Variants in REDIC1 observed in about 807,000 individuals in gnomAD.
The protein encoded by REDIC1 is regulator of DNA class I crossover intermediates 1.
the REDIC1 span, among the ~76,000 whole-genome samples, chr12:39,875,115 T>G: frequency 2.0e-5 from 3 of 152,246 alleles, no homozygotes; most frequent in African/African-American, 7.2e-5. Flanking sequence ...TTAGTGACTT[T>G]AAAACAAAAC....
the REDIC1 span, among the ~76,000 whole-genome samples, chr12:39,806,058 T>A: frequency 6.6e-6 from 1 of 152,212 alleles, no homozygotes; most frequent in Non-Finnish European, 1.5e-5. Context: ...GTGACAGCAA[T>A]TGTAGCTGCA....
chr12:39,748,053 A>T, the REDIC1 span, among the ~76,000 whole-genome samples: 2 of 152,200 alleles, frequency 1.3e-5, no homozygotes, highest in African/African-American at 4.8e-5. Flanking sequence ...CATCATAATG[A>T]CAGGATCAAA....
chr12:39,713,353 C>A, the REDIC1 span, among the ~76,000 whole-genome samples: 10 of 133,426 alleles, frequency 7.5e-5, no homozygotes. Context: ...TATGTGTATA[C>A]ACATATACGT....
At chr12:39,664,042 A>G in the REDIC1 span, among the ~76,000 whole-genome samples, 3 of 151,468 alleles carry the variant, frequency 2.0e-5, no homozygotes, top group African/African-American at 7.3e-5. Flanking sequence ...TACATATGAC[A>G]ACTTCTCTCT....
the REDIC1 span, among the ~76,000 whole-genome samples, chr12:39,836,075 GA>G: frequency 6.6e-6 from 1 of 152,090 alleles, no homozygotes; most frequent in Non-Finnish European, 1.5e-5. Context: ...AGAAAAGCCA[GA>G]GAAAGAAAGA....
the REDIC1 span, among the ~76,000 whole-genome samples, chr12:39,680,872 T>G: frequency 6.6e-6 from 1 of 151,304 alleles, no homozygotes; most frequent in Admixed American, 6.6e-5. Flanking sequence ...CTAGATGGAG[T>G]TGGAAACTAT....
the REDIC1 span, among the ~76,000 whole-genome samples, chr12:39,751,013 A>G: frequency 1.3e-5 from 2 of 152,214 alleles, no homozygotes; most frequent in African/African-American, 4.8e-5. Context: ...CAAGGACTTC[A>G]TGTCTAAAAC....
At chr12:39,805,381 G>C in the REDIC1 span, among the ~76,000 whole-genome samples, 3 of 152,118 alleles carry the variant, frequency 2.0e-5, no homozygotes, top group African/African-American at 7.2e-5. Flanking sequence ...GGGGTGGCTG[G>C]AGCAGGTGTA....
At chr12:39,809,290 T>C in the REDIC1 span, among the ~76,000 whole-genome samples, 1 of 152,224 alleles carries the variant, frequency 6.6e-6, no homozygotes, top group African/African-American at 2.4e-5. Context: ...TTTACCAACA[T>C]CACATTGTCT....
chr12:39,682,294 CT>C, the REDIC1 span, among the ~76,000 whole-genome samples: 1 of 152,046 alleles, frequency 6.6e-6, no homozygotes, highest in African/African-American at 2.4e-5. Context: ...TAGTGGTTGT[CT>C]AGTTTATTCT....
chr12:39,772,353 G>A, the REDIC1 span, among the ~76,000 whole-genome samples: 2 of 152,046 alleles, frequency 1.3e-5, no homozygotes, highest in Non-Finnish European at 2.9e-5. Context: ...GGTGATAACT[G>A]CTTGGCACAT....
chr12:39,772,278 C>A, the REDIC1 span, among the ~76,000 whole-genome samples: 2 of 152,250 alleles, frequency 1.3e-5, no homozygotes, highest in South Asian at 4.2e-4. Context: ...GTTACTTAAC[C>A]TCTCTGTGTC....
chr12:39,705,903 G>A, the REDIC1 span, among the ~76,000 whole-genome samples: 2 of 152,002 alleles, frequency 1.3e-5, no homozygotes, highest in African/African-American at 4.8e-5. Flanking sequence ...TATAGAACAT[G>A]ACAAGTATGC....
At chr12:39,650,349 A>C in the REDIC1 span, 2 of 1,609,862 alleles carry the variant, frequency 1.2e-6, no homozygotes, top group Admixed American at 3.4e-5. This position sits in a 1 kb window ranked among gnomAD's most constrained non-coding sequence, Gnocchi z 4.3. Flanking sequence ...TTGAAAGATT[A>C]AACAGGTAAG....
chr12:39,896,433 T>C, the REDIC1 span, among the ~76,000 whole-genome samples: 17 of 144,700 alleles, frequency 1.2e-4, no homozygotes, highest in African/African-American at 3.1e-4. Context: ...TGTATATATG[T>C]ATACATATAT....
chr12:39,721,072 G>A, the REDIC1 span: 5 of 1,613,766 alleles, frequency 3.1e-6, no homozygotes, highest in Non-Finnish European at 4.2e-6. Flanking sequence ...AAGGTGTGAT[G>A]CAGGGATACA....
chr12:39,811,661 G>A, the REDIC1 span, among the ~76,000 whole-genome samples: 20 of 152,130 alleles, frequency 1.3e-4, no homozygotes, highest in East Asian at 3.7e-3. Flanking sequence ...TATTATTAGA[G>A]GAATATACAT....
At chr12:39,896,571 TG>T in the REDIC1 span, among the ~76,000 whole-genome samples, 1 of 114,808 alleles carries the variant, frequency 8.7e-6, no homozygotes, top group Admixed American at 8.5e-5. Context: ...CATATATGTA[TG>T]TATGTGTGTA....
At chr12:39,849,053 A>G in the REDIC1 span, among the ~76,000 whole-genome samples, 107,477 of 151,912 alleles carry the variant, frequency 0.71, 38,484 homozygotes, top group African/African-American at 0.81. Flanking sequence ...GAGAGGAACA[A>G]AAAAGATAAC....
Sources: allele counts gnomAD v4.1 joint callset (sites outside exome capture counted in the v4.1 genomes callset), GRCh38; gene constraint gnomAD v4.1.1; non-coding constraint Gnocchi (gnomAD v3.1); transcripts MANE v1.5; gene names NCBI Gene and HGNC (gene_info 2026-07-23, HGNC 2026-07-21).